The following NEK1 variants were observed in gnomAD, a reference collection of about 807,000 sequenced individuals.
NEK1 encodes the protein serine/threonine-protein kinase Nek1.
A neutral mutation model predicts 182.1 loss-of-function variants in NEK1; 137 were observed. That is an observed-to-expected ratio of 0.75 (90% CI 0.65 to 0.87). The LOEUF is 0.87. Among genes scored for constraint, NEK1 ranks in the 40% least tolerant of loss-of-function variants. The pLI, the probability that NEK1 is intolerant of heterozygous loss-of-function variation, is 0.00. For missense variants in NEK1, 1,391 were observed against 1,494.4 expected, an observed-to-expected ratio of 0.93 and a Z score of 1.14; for synonymous variants, 513 against 492.2, an observed-to-expected ratio of 1.04 and a Z score of -0.56.
intron 31 of NEK1, among the ~76,000 whole-genome samples, chr4:169,417,553 T>C (rs2111244778): frequency 6.6e-6 from 1 of 152,324 alleles, no homozygotes; most frequent in South Asian, 2.1e-4. Flanking sequence ...AGTAATAAAG[T>C]TGAGTATCAT....
intron 31 of NEK1, among the ~76,000 whole-genome samples, chr4:169,417,427 T>C (rs1734734704): frequency 6.6e-6 from 1 of 152,204 alleles, no homozygotes; most frequent in African/African-American, 2.4e-5. Context: ...GGTTTCTATT[T>C]GGACAATGGA....
intron 28 of NEK1, among the ~76,000 whole-genome samples, chr4:169,436,714 A>T (rs1738478193): frequency 6.6e-6 from 1 of 152,260 alleles, no homozygotes; most frequent in Non-Finnish European, 1.5e-5. Context: ...GACTAAATTT[A>T]GGACAGTAGG....
intron 35 of NEK1, among the ~76,000 whole-genome samples, chr4:169,395,483 T>G (rs980585930): frequency 3.9e-5 from 6 of 152,340 alleles, no homozygotes; most frequent in Admixed American, 2.0e-4. Context: ...TAAATTCCCA[T>G]TTGTCTTTCA....
At chr4:169,463,479 C>A in intron 26 of NEK1, 84 bp from the exon 27 acceptor site, 3 of 941,400 alleles carry the variant, frequency 3.2e-6, no homozygotes, top group Non-Finnish European at 4.5e-6. Context: ...GTCTTTTATC[C>A]AATTGAGTGG....
intron 19 of NEK1, among the ~76,000 whole-genome samples, chr4:169,509,798 T>C (rs1753892557): frequency 6.6e-6 from 1 of 152,196 alleles, no homozygotes; most frequent in South Asian, 2.1e-4. Flanking sequence ...GAATCATTTA[T>C]AATTCTGCCA....
intron 19 of NEK1, among the ~76,000 whole-genome samples, chr4:169,535,610 G>A (rs904276058): frequency 6.6e-6 from 1 of 152,044 alleles, no homozygotes; most frequent in African/African-American, 2.4e-5. Flanking sequence ...AGACGCAGTG[G>A]GCTCACGTCT....
intron 31 of NEK1, among the ~76,000 whole-genome samples, chr4:169,421,486 T>C (rs146170307): frequency 1.5e-4 from 23 of 152,230 alleles, no homozygotes; most frequent in Non-Finnish European, 3.2e-4. Context: ...AGGGACCTGG[T>C]GGGAGGTGAC....
chr4:169,416,638 T>G (rs574369872), intron 31 of NEK1, among the ~76,000 whole-genome samples: 2 of 152,352 alleles, frequency 1.3e-5, no homozygotes, highest in Non-Finnish European at 2.9e-5. Flanking sequence ...GCATGGTGGC[T>G]CACGCCTGTA....
intron 2 of NEK1, among the ~76,000 whole-genome samples, chr4:169,607,929 A>C (rs1771655444): frequency 6.6e-6 from 1 of 152,176 alleles, no homozygotes; most frequent in African/African-American, 2.4e-5. Context: ...TGAGAGAAAA[A>C]TATTAAAAAA....
At chr4:169,555,614 T>C (rs1762049397) in intron 18 of NEK1, 106 bp downstream of exon 18, 11 of 1,464,216 alleles carry the variant, frequency 7.5e-6, no homozygotes, top group South Asian at 2.3e-5. Flanking sequence ...AAAAACATCA[T>C]ATGTGAACAA....
chr4:169,401,861 C>A lies in NEK1; in HGVS notation c.3375-1G>T. The A allele has an allele frequency of 6.3e-7, 1 of 1,597,782 alleles. No individual in the cohort carries two copies. Among genetic ancestry groups the A allele is most frequent in the Admixed American group, 1.7e-5 (1 of 58,230 alleles). ...ATCTGTGTCAGTTTCTTCAAACACA[C>A]TGAAATTTAAAAAGTATAACTAAAA... is the stretch of plus-strand genomic sequence containing the variant. On this transcript the variant is annotated splice_acceptor_variant, in intron 32 of 35. Transcript: ENST00000507142. LOFTEE classifies it high-confidence loss of function.
chr4:169,417,343 A>G (rs143139998), intron 31 of NEK1, among the ~76,000 whole-genome samples: 2 of 152,352 alleles, frequency 1.3e-5, no homozygotes, highest in Non-Finnish European at 2.9e-5. Flanking sequence ...AATATTAGTT[A>G]AGCAGCAGAA....
chr4:169,565,909 T>C (rs1414600731), intron 12 of NEK1, among the ~76,000 whole-genome samples: 1 of 152,168 alleles, frequency 6.6e-6, no homozygotes, highest in African/African-American at 2.4e-5. Context: ...TATAAATACA[T>C]AAAACCATTT....
chr4:169,501,232 T>C (rs1380355780), intron 23 of NEK1, among the ~76,000 whole-genome samples: 1 of 152,092 alleles, frequency 6.6e-6, no homozygotes, highest in African/African-American at 2.4e-5. Flanking sequence ...TGCCCAACAC[T>C]TGAGGACCCT....
chr4:169,553,419 T>C (rs1227022569), intron 18 of NEK1, among the ~76,000 whole-genome samples: 1 of 151,958 alleles, frequency 6.6e-6, no homozygotes, highest in Non-Finnish European at 1.5e-5. Flanking sequence ...GAAGATAACA[T>C]AGGAGAAAAC....
intron 31 of NEK1, among the ~76,000 whole-genome samples, chr4:169,418,591 C>G (rs558041500): frequency 6.6e-6 from 1 of 151,922 alleles, no homozygotes; most frequent in Non-Finnish European, 1.5e-5. Context: ...AGATAAAACA[C>G]ACAATATCGA....
chr4:169,394,723 A>G (rs1324679367), intron 35 of NEK1, among the ~76,000 whole-genome samples, 200 bp from the exon 36 acceptor site: 1 of 152,182 alleles, frequency 6.6e-6, no homozygotes, highest in Non-Finnish European at 1.5e-5. Flanking sequence ...AATCATCTGT[A>G]AGTGAAAGAC....
chr4:169,462,446 G>T (rs1744139458), intron 27 of NEK1, among the ~76,000 whole-genome samples: 1 of 152,016 alleles, frequency 6.6e-6, no homozygotes. Flanking sequence ...GAAAATAACA[G>T]AATTATTAGC....
intron 32 of NEK1, among the ~76,000 whole-genome samples, chr4:169,404,888 G>C (rs1466180498): frequency 1.3e-5 from 2 of 151,874 alleles, no homozygotes; most frequent in Non-Finnish European, 2.9e-5. Flanking sequence ...TTCCCTCCTA[G>C]ATTCAGGATT....
Sources: allele counts gnomAD v4.1 joint callset (sites outside exome capture counted in the v4.1 genomes callset), GRCh38; gene constraint gnomAD v4.1.1; transcripts MANE v1.5; gene names NCBI Gene and HGNC (gene_info 2026-07-23, HGNC 2026-07-21).